The following POLE4 variants were observed in gnomAD, a reference collection of about 807,000 sequenced individuals.
POLE4 encodes the protein DNA polymerase epsilon 4, accessory subunit.
Under a neutral mutation model 15.6 loss-of-function variants are expected in POLE4, and 15 were observed. That is an observed-to-expected ratio of 0.96 (90% confidence interval 0.64 to 1.48). The LOEUF (loss-of-function observed/expected upper bound fraction) is 1.48, where lower values mean the gene tolerates loss of function less well. POLE4 is among the 40% of genes most tolerant of loss of function. The pLI, the probability that POLE4 is intolerant of heterozygous loss-of-function variation, is 0.00. For missense variants in POLE4, 205 were observed against 151.9 expected (o/e 1.35, Z -1.84); for synonymous variants, 83 against 63.2 (o/e 1.31, Z -1.49).
intron 3 of POLE4, among the ~76,000 whole-genome samples, chr2:74,964,733 A>G (rs1341352877): frequency 6.6e-6 from 1 of 152,134 alleles, no homozygotes; most frequent in Non-Finnish European, 1.5e-5. Context: ...AATAATTTGA[A>G]TGACATATCT....
intron 2 of POLE4, 116 bp downstream of exon 2, chr2:74,959,541 G>T: frequency 3.0e-6 from 2 of 668,688 alleles, no homozygotes; most frequent in Non-Finnish European, 5.2e-6. Context: ...TCTCTCCCCA[G>T]GATGGTTTCT....
intron 3 of POLE4, chr2:74,960,359 A>G (rs1320195430): frequency 6.8e-6 from 4 of 588,588 alleles, no homozygotes; most frequent in Non-Finnish European, 9.1e-6. Context: ...ATTGCTAACC[A>G]TAAAGAAATA....
chr2:74,959,275 A>C, intron 1 of POLE4, 66 bp from the exon 2 acceptor site: 1 of 1,023,128 alleles, frequency 9.8e-7, no homozygotes, highest in South Asian at 1.4e-5. Context: ...CCACCCACAA[A>C]CCGGAGCCCT....
rs3771803 is a variant in POLE4, at chr2:74,968,654, A to G, written c.341-755A>G. ...TTTTTTTTTTTTCCAAGTTAGGTTT[A>G]AATGCCTGTCTTCTGGTTGTCCTGC... On this transcript the variant is annotated intron_variant, in intron 3 of 3. Coordinates refer to ENST00000483063, the MANE Select transcript of POLE4 (RefSeq NM_019896.4). Among the ~76,000 whole-genome samples, 13 of 149,812 alleles carry G rather than the reference A, an allele frequency of 8.7e-5. No individual in the cohort carries two copies. In the East Asian group the frequency reaches 2.6e-3, roughly 30 times the overall value.
intron 3 of POLE4, among the ~76,000 whole-genome samples, chr2:74,963,054 G>A (rs1337750984): frequency 1.3e-5 from 2 of 152,184 alleles, no homozygotes; most frequent in African/African-American, 2.4e-5. Flanking sequence ...TGATATTTGG[G>A]AAACCTTATT....
chr2:74,959,325 C>CT lies in POLE4; in HGVS notation c.214-10dup. Reference sequence around the variant, plus strand: ...GTTAGAACCCATTACTAAAACTTTGCTTTTTTACTTCACAGGAACTGTTTG... The same window carrying CT: ...GTTAGAACCCATTACTAAAACTTTGCTTTTTTTACTTCACAGGAACTGTTTG... On this transcript the variant is annotated splice_polypyrimidine_tract_variant and intron_variant, in intron 1 of 3. Coordinates refer to ENST00000483063, the MANE Select transcript of POLE4 (RefSeq NM_019896.4). 1.2e-6 allele frequency: 2 copies of CT among 1,600,784 alleles called. No individual in the cohort carries two copies. Among genetic ancestry groups the CT allele is most frequent in the African/African-American group, 1.3e-5 (1 of 74,736 alleles).
chr2:74,963,914 AT>A (rs1321002457), intron 3 of POLE4, among the ~76,000 whole-genome samples: 1 of 149,592 alleles, frequency 6.7e-6, no homozygotes, highest in Non-Finnish European at 1.5e-5. Context: ...AAATGTATCA[AT>A]TTTTTTCCTT....
chr2:74,960,592 G>A, intron 3 of POLE4: 1 of 501,454 alleles, frequency 2.0e-6, no homozygotes, highest in South Asian at 1.5e-5. Flanking sequence ...ATTTTTAGGA[G>A]TCATGGATTA....
intron 3 of POLE4, chr2:74,961,471 T>C (rs971867264): frequency 3.3e-5 from 5 of 152,354 alleles, no homozygotes; most frequent in Middle Eastern, 3.4e-3. Context: ...TGACAGACTT[T>C]CTGTAAGTTC....
chr2:74,958,788 C>T lies in POLE4; in HGVS notation c.109C>T (p.Arg37Cys), dbSNP rs369373195. 7.7e-6 allele frequency: 12 copies of T among 1,551,340 alleles called. 1 individual carries two copies. The highest frequency in any genetic ancestry group is 4.1e-5 in the African/African-American group (3 of 72,946). ...GGCCCCAACGAGTGTGCCTGGGGCT[C>T]GTCTCTCGAGGTTGCCTCTGGCGCG... is the stretch of plus-strand genomic sequence containing the variant. ...PQAPTSVPGA[R>C]LSRLPLARVK... The change falls in exon 1 of 4, where the codon CGT becomes TGT. Residue 37 changes from arginine to cysteine, a missense_variant. By Grantham distance (180) the Arg-to-Cys change is radical (BLOSUM62 -3). Transcript: ENST00000483063.
At chr2:74,969,003 G>T (rs559710336) in intron 3 of POLE4, among the ~76,000 whole-genome samples, 1 of 152,144 alleles carries the variant, frequency 6.6e-6, no homozygotes, top group East Asian at 1.9e-4. Flanking sequence ...ATGGAATCTT[G>T]GATGGGAGGG....
chr2:74,962,113 A>T (rs989682200), intron 3 of POLE4, among the ~76,000 whole-genome samples: 3 of 152,194 alleles, frequency 2.0e-5, no homozygotes, highest in Non-Finnish European at 4.4e-5. Context: ...TCCTGCTGTG[A>T]TAAATGAAGA....
At chr2:74,961,948 T>A (rs1671226458) in intron 3 of POLE4, among the ~76,000 whole-genome samples, 1 of 152,226 alleles carries the variant, frequency 6.6e-6, no homozygotes, top group Non-Finnish European at 1.5e-5. Context: ...TATCCATACT[T>A]GAAAATCAAA....
Position 74,960,151 on chromosome 2 carries a change from G to A in POLE4, c.340+5G>A. 1.2e-6 allele frequency: 2 copies of A among 1,611,094 alleles called. No individual in the cohort carries two copies. Among genetic ancestry groups the A allele is most frequent in the Non-Finnish European group, 1.7e-6 (2 of 1,177,270 alleles). On this transcript the variant is annotated splice_donor_5th_base_variant and intron_variant, in intron 3 of 3. Coordinates refer to ENST00000483063, the MANE Select transcript of POLE4 (RefSeq NM_019896.4). ...ATGAATTTGCTTTTCTGGAAGGTGA[G>A]TTCCCTCTCAGTGGGCAATCATTTC... is the stretch of plus-strand genomic sequence containing the variant.
intron 1 of POLE4, 160 bp downstream of exon 1, chr2:74,959,052 G>C: frequency 1.5e-6 from 1 of 666,988 alleles, no homozygotes; most frequent in Non-Finnish European, 2.5e-6. Flanking sequence ...ACCTGTGCGA[G>C]TTTTGTTAAC....
At chr2:74,959,529 C>T (rs1466019754) in intron 2 of POLE4, 104 bp downstream of exon 2, 2 of 701,992 alleles carry the variant, frequency 2.8e-6, no homozygotes, top group African/African-American at 1.8e-5. Flanking sequence ...GGTGCCACAG[C>T]GTCTCTCCCC....
intron 3 of POLE4, among the ~76,000 whole-genome samples, chr2:74,966,612 C>T (rs1298176751): frequency 2.0e-5 from 3 of 152,102 alleles, no homozygotes; most frequent in Non-Finnish European, 4.4e-5. Context: ...ACCATGTTGA[C>T]CAGGCTAGTC....
intron 2 of POLE4, 27 bp from the exon 3 acceptor site, chr2:74,960,078 C>T (rs943398657): frequency 6.2e-7 from 1 of 1,609,422 alleles, no homozygotes. Flanking sequence ...TGAAGTTAGT[C>T]AGGTGTCTCT....
intron 3 of POLE4, among the ~76,000 whole-genome samples, chr2:74,967,587 T>G (rs951261723): frequency 2.0e-5 from 3 of 152,232 alleles, no homozygotes; most frequent in African/African-American, 7.2e-5. Flanking sequence ...TGTTTGCTAG[T>G]CTGTGCCGAA....
Sources: allele counts gnomAD v4.1 joint callset (sites outside exome capture counted in the v4.1 genomes callset), GRCh38; gene constraint gnomAD v4.1.1; transcripts MANE v1.5; gene names NCBI Gene and HGNC (gene_info 2026-07-23, HGNC 2026-07-21).